KREMEN1: variants seen among roughly 807,000 people sequenced by gnomAD.
KREMEN1 encodes kringle containing transmembrane protein 1.
In KREMEN1, 30 loss-of-function variants were observed where a neutral mutation model predicts 46.5. That is an observed-to-expected ratio of 0.65 (90% CI 0.48 to 0.88). The LOEUF is 0.88. Among genes scored for constraint, KREMEN1 ranks in the 40% least tolerant of loss-of-function variants. KREMEN1 has a pLI of 0.00. For synonymous variants in KREMEN1, 214 were observed against 230.6 expected, an observed-to-expected ratio of 0.93 and a Z score of 0.65; for missense variants, 533 against 596.9, an observed-to-expected ratio of 0.89 and a Z score of 1.11.
At chr22:29,105,472 CACACAT>C (rs1316071708) in intron 3 of KREMEN1, among the ~76,000 whole-genome samples, 200 of 121,870 alleles carry the variant, frequency 1.6e-3, no homozygotes, top group Middle Eastern at 0.012. Context: ...CGCACACACA[CACACAT>C]ACACACACAC....
At chr22:29,166,943 C>A (rs1214410080) in intron 9 of KREMEN1, 37 of 959,384 alleles carry the variant, frequency 3.9e-5, no homozygotes, top group Non-Finnish European at 5.7e-5. Context: ...AAAAACAAAA[C>A]AAAAGAGACC....
intron 3 of KREMEN1, among the ~76,000 whole-genome samples, chr22:29,117,771 A>G (rs1208228832): frequency 2.6e-5 from 4 of 152,210 alleles, no homozygotes; most frequent in African/African-American, 7.2e-5. Flanking sequence ...TAAATCGATA[A>G]CATAGATGGA....
chr22:29,158,203 C>T (rs2038980533), intron 9 of KREMEN1, among the ~76,000 whole-genome samples: 1 of 152,196 alleles, frequency 6.6e-6, no homozygotes, highest in African/African-American at 2.4e-5. Context: ...TACCAATTTG[C>T]AATCTAGCCC....
At chr22:29,086,978 GTC>G (rs1454369040) in intron 1 of KREMEN1, among the ~76,000 whole-genome samples, 1 of 151,928 alleles carries the variant, frequency 6.6e-6, no homozygotes, top group Non-Finnish European at 1.5e-5. Context: ...GCCCAGGCTG[GTC>G]TTGAACTCCT....
intron 2 of KREMEN1, among the ~76,000 whole-genome samples, chr22:29,096,956 G>A (rs1370899686): frequency 6.6e-6 from 1 of 152,252 alleles, no homozygotes; most frequent in Non-Finnish European, 1.5e-5. Context: ...GAGAGTTGGT[G>A]AGTGATGGGA....
chr22:29,104,287 G>T (rs2038017557), intron 3 of KREMEN1, among the ~76,000 whole-genome samples: 1 of 151,684 alleles, frequency 6.6e-6, no homozygotes, highest in South Asian at 2.1e-4. Flanking sequence ...CTCCTGAGTA[G>T]CTGGGCCTAC....
chr22:29,146,395 G>C lies in KREMEN1; in HGVS notation c.*4283G>C. 1 of 985,894 alleles carries C rather than the reference G, an allele frequency of 1.0e-6. No homozygotes were observed. Among genetic ancestry groups the C allele is most frequent in the Non-Finnish European group, 1.2e-6 (1 of 829,996 alleles). The allele number at this position is 985,894 out of a possible 1,614,324, so 61.1% of individuals were successfully genotyped here. On this transcript the variant is annotated 3_prime_UTR_variant, in exon 9 of 9. Transcript: ENST00000400335. ...GGCACATCTCACAGGCTTCCGTCTTGCTGAGTTGGGTACGGAGGCAGAAGT... is the reference window on the plus strand; with the variant it reads ...GGCACATCTCACAGGCTTCCGTCTTCCTGAGTTGGGTACGGAGGCAGAAGT...
At position 29,146,548 on chromosome 22, in the gene KREMEN1, C is replaced by T. The variant is rs2090109163; in HGVS notation, c.*4436C>T. On this transcript the variant is annotated 3_prime_UTR_variant, in exon 9 of 9. Coordinates refer to ENST00000400335, the MANE Select transcript of KREMEN1 (RefSeq NM_001039570.3). ...GGGTCTCATGCACGTCAAGACCTTC[C>T]CACATCCAAACTCAGCTTCCAGCAG... The T allele has an allele frequency of 3.0e-6, 3 of 985,552 alleles. No individual in the cohort carries two copies. The highest frequency in any genetic ancestry group is 1.7e-5 in the African/African-American group (1 of 57,240). The allele number at this position is 985,552 out of a possible 1,614,324, so 61.1% of individuals were successfully genotyped here.
At chr22:29,119,380 T>C (rs2038294381) in intron 3 of KREMEN1, among the ~76,000 whole-genome samples, 1 of 152,172 alleles carries the variant, frequency 6.6e-6, no homozygotes, top group African/African-American at 2.4e-5. Context: ...GATGGCTTCA[T>C]TACATAGGCA....
Position 29,145,497 on chromosome 22 carries a change from C to T in KREMEN1, c.*3385C>T, listed in dbSNP as rs2038843146. On this transcript the variant is annotated 3_prime_UTR_variant, in exon 9 of 9. Coordinates refer to ENST00000400335, the MANE Select transcript of KREMEN1 (RefSeq NM_001039570.3). Reference sequence around the variant, plus strand: ...CCTGCCTTCTTGGTACCTGTGCCAACAGGAGAGCCCTCACCAGCCGATCTT... The same window carrying T: ...CCTGCCTTCTTGGTACCTGTGCCAATAGGAGAGCCCTCACCAGCCGATCTT... 1 of 985,570 alleles carries T rather than the reference C, an allele frequency of 1.0e-6. No homozygotes were observed. Among genetic ancestry groups the T allele is most frequent in the South Asian group, 4.7e-5 (1 of 21,282 alleles). The allele number at this position is 985,570 out of a possible 1,614,324, so 61.1% of individuals were successfully genotyped here.
chr22:29,078,990 G>T (rs1411398916), intron 1 of KREMEN1, among the ~76,000 whole-genome samples: 1 of 152,338 alleles, frequency 6.6e-6, no homozygotes, highest in Middle Eastern at 3.4e-3. Context: ...TCTAGGAGGA[G>T]CAGTCTGAGG....
At chr22:29,150,372 C>T (rs117734383), downstream of KREMEN1, among the ~76,000 whole-genome samples, 857 of 152,228 alleles carry the variant, frequency 5.6e-3, 7 homozygotes, top group Non-Finnish European at 9.0e-3. Context: ...GGTGACTGAG[C>T]GGGGAAAAGG....
At chr22:29,148,459 G>GTTT (rs71196635), downstream of KREMEN1, among the ~76,000 whole-genome samples, 1 of 143,294 alleles carries the variant, frequency 7.0e-6, no homozygotes. Context: ...TGTTTTTTTT[G>GTTT]TTTTTTTTTT....
intron 3 of KREMEN1, among the ~76,000 whole-genome samples, chr22:29,106,188 A>G (rs2038056169): frequency 6.6e-6 from 1 of 151,400 alleles, no homozygotes; most frequent in South Asian, 2.1e-4. Flanking sequence ...AGTACCTACT[A>G]TGTACAAAAA....
Position 29,137,588 on chromosome 22 carries a change from C to T in KREMEN1, c.878C>T (p.Ser293Phe), listed in dbSNP as rs534366971. The T allele has an allele frequency of 6.2e-7, 1 of 1,613,572 alleles. No homozygotes were observed. Among genetic ancestry groups the T allele is most frequent in the South Asian group, 1.1e-5 (1 of 91,058 alleles). Residue 293 changes from serine to phenylalanine, a missense_variant, in exon 6 of 9, where the codon TCC (serine) becomes TTC (phenylalanine). Physicochemically the swap from Ser to Phe is radical, Grantham distance 155 (BLOSUM62 -2). Transcript: ENST00000400335. ...RFHGRSRPPL[S>F]FNVSLDFVIL... ...CACGGGAGGAGCCGCCCACCTCTGT[C>T]CTTCAACGTCTCTCTGGACTTCGTC...
intron 7 of KREMEN1, among the ~76,000 whole-genome samples, chr22:29,139,813 C>T (rs557677216): frequency 6.6e-6 from 1 of 152,272 alleles, no homozygotes; most frequent in East Asian, 1.9e-4. Flanking sequence ...TGGGCCCCTG[C>T]AGGACCCACC....
chr22:29,092,730 C>T (rs2037823236), intron 1 of KREMEN1, among the ~76,000 whole-genome samples: 1 of 152,204 alleles, frequency 6.6e-6, no homozygotes, highest in Admixed American at 6.5e-5. Context: ...AATCCCAGCA[C>T]TCTGGGAGGC....
intron 3 of KREMEN1, among the ~76,000 whole-genome samples, chr22:29,113,695 G>C (rs1257206424): frequency 6.6e-6 from 1 of 152,114 alleles, no homozygotes; most frequent in Admixed American, 6.5e-5. Flanking sequence ...CACTGTAAAA[G>C]GCCACCTGCT....
intron 5 of KREMEN1, among the ~76,000 whole-genome samples, chr22:29,133,303 CTT>C (rs745679282): frequency 7.8e-5 from 11 of 141,820 alleles, no homozygotes; most frequent in Admixed American, 7.1e-5. Context: ...TGGTTTTCAA[CTT>C]TTTTTTTTTT....
Sources: gnomAD v4.1 joint callset for allele counts (sites outside exome capture counted in the v4.1 genomes callset) on GRCh38, gnomAD v4.1.1 for gene constraint, MANE v1.5 for transcripts, NCBI Gene and HGNC (gene_info 2026-07-23, HGNC 2026-07-21) for gene names.